Variants in GAS7 observed in about 807,000 individuals in gnomAD.
GAS7 encodes growth arrest-specific protein 7.
GAS7 carries 28 observed loss-of-function variants against 71.1 expected under a neutral mutation model. That is an observed-to-expected ratio of 0.39 (90% confidence interval 0.29 to 0.54). GAS7 has a LOEUF of 0.54. Among genes scored for constraint, GAS7 ranks in the 20% least tolerant of loss-of-function variants. The pLI, the probability that GAS7 is intolerant of heterozygous loss-of-function variation, is 0.62. For missense variants in GAS7, 436 were observed against 627.8 expected (o/e 0.69, Z 3.27); for synonymous variants, 258 against 245.8 (o/e 1.05, Z -0.46).
chr17:10,190,579 CA>C (rs763366804), intron 1 of GAS7, among the ~76,000 whole-genome samples: 2,657 of 103,256 alleles, frequency 0.026, 27 homozygotes, highest in Non-Finnish European at 0.039. Flanking sequence ...GACTCCGTCT[CA>C]AAAAAAAAAA....
At chr17:9,973,696 G>A (rs545972744) in intron 3 of GAS7, among the ~76,000 whole-genome samples, 2 of 152,076 alleles carry the variant, frequency 1.3e-5, no homozygotes, top group African/African-American at 2.4e-5. Flanking sequence ...TGACCTCCCC[G>A]CAAAAGGCAC....
intron 2 of GAS7, among the ~76,000 whole-genome samples, chr17:10,012,674 G>A (rs923643693): frequency 7.2e-5 from 11 of 152,108 alleles, no homozygotes; most frequent in South Asian, 6.2e-4. Context: ...GGTCCCTGTC[G>A]TGGTCTGAAT....
chr17:10,002,023 G>A (rs1202184129), intron 2 of GAS7, among the ~76,000 whole-genome samples: 1 of 152,164 alleles, frequency 6.6e-6, no homozygotes. Context: ...CATCCTAGCG[G>A]ACACGATACC....
intron 1 of GAS7, among the ~76,000 whole-genome samples, chr17:10,132,159 T>C (rs1016001261): frequency 1.3e-5 from 2 of 152,262 alleles, no homozygotes; most frequent in Non-Finnish European, 2.9e-5. Flanking sequence ...TGAATACATG[T>C]ACTCGTGAAC....
At chr17:10,031,780 G>A (rs891109835) in intron 1 of GAS7, among the ~76,000 whole-genome samples, 9 of 152,246 alleles carry the variant, frequency 5.9e-5, no homozygotes, top group East Asian at 1.9e-4. Flanking sequence ...CGTCCTTTTC[G>A]TTGGTGGCAT....
intron 1 of GAS7, among the ~76,000 whole-genome samples, chr17:10,180,166 C>T (rs970133914): frequency 6.6e-6 from 1 of 151,968 alleles, no homozygotes; most frequent in Non-Finnish European, 1.5e-5. Flanking sequence ...CGTGAGGAAA[C>T]CCCATCTCTA....
chr17:10,037,974 T>C (rs2152225789), intron 1 of GAS7, among the ~76,000 whole-genome samples: 1 of 152,106 alleles, frequency 6.6e-6, no homozygotes, highest in African/African-American at 2.4e-5. Context: ...CATTTAAAGA[T>C]GCTCAATATC....
At chr17:10,176,495 T>G (rs1422420544) in intron 1 of GAS7, among the ~76,000 whole-genome samples, 1 of 152,222 alleles carries the variant, frequency 6.6e-6, no homozygotes, top group African/African-American at 2.4e-5. Flanking sequence ...CTAGTCACCC[T>G]GAATGGGCAG....
In GAS7 at chr17:9,925,446, G is replaced by A. The variant is rs1180473767; in HGVS notation, c.1138+30C>T. On this transcript the variant is annotated intron_variant, in intron 11 of 13. Transcript: ENST00000432992. ...CGTGCCCTCTCCTTCTGTGTGCACT[G>A]ACCAGGCCAGGCGGGTGCCCAGCAC... The A allele has an allele frequency of 1.9e-6, 3 of 1,612,980 alleles. No individual in the cohort carries two copies. The South Asian group carries it at 3.3e-5, about 18-fold the overall frequency.
Position 10,064,609 on chromosome 17 carries a change from T to C in GAS7, c.184-44712A>G, listed in dbSNP as rs1304182089. ...GAATTACTGGGGAAAGATGTATTAC[T>C]ATGACAAGATGCAAGCCTGAAGCTG... On this transcript the variant is annotated intron_variant, in intron 1 of 13. Coordinates refer to ENST00000432992, the MANE Select transcript of GAS7 (RefSeq NM_201433.2). Among the ~76,000 whole-genome samples the C allele has an allele frequency of 2.6e-5, 4 of 152,332 alleles. No homozygotes were observed. The East Asian group carries it at 7.7e-4, about 29-fold the overall frequency.
At chr17:10,046,320 A>G (rs1236050092) in intron 1 of GAS7, among the ~76,000 whole-genome samples, 1 of 152,114 alleles carries the variant, frequency 6.6e-6, no homozygotes, top group East Asian at 1.9e-4. Flanking sequence ...TCAAACCAGC[A>G]ATAAGAGGAA....
chr17:10,004,196 G>C (rs2071379337), intron 2 of GAS7, among the ~76,000 whole-genome samples: 1 of 152,174 alleles, frequency 6.6e-6, no homozygotes, highest in South Asian at 2.1e-4. Flanking sequence ...TTGCAAACAA[G>C]AAGCCATTCG....
intron 1 of GAS7, among the ~76,000 whole-genome samples, chr17:10,088,114 G>A (rs7223263): frequency 0.35 from 53,367 of 151,364 alleles, 10,125 homozygotes; most frequent in African/African-American, 0.4. Flanking sequence ...CCAGCTACTC[G>A]GGAGGCTGAG....
chr17:9,933,829 A>C (rs1302140482), intron 9 of GAS7, among the ~76,000 whole-genome samples: 1 of 152,216 alleles, frequency 6.6e-6, no homozygotes, highest in Non-Finnish European at 1.5e-5. Flanking sequence ...TGGGCAACAC[A>C]GTGAGACCTT....
At chr17:10,165,795 G>A (rs893932148) in intron 1 of GAS7, among the ~76,000 whole-genome samples, 3 of 152,144 alleles carry the variant, frequency 2.0e-5, no homozygotes, top group Non-Finnish European at 4.4e-5. Flanking sequence ...AGGAAAGCCA[G>A]TGGCTCTCAG....
At chr17:10,197,282 C>T (rs1253108269) in intron 1 of GAS7, among the ~76,000 whole-genome samples, 5 of 152,164 alleles carry the variant, frequency 3.3e-5, no homozygotes, top group Non-Finnish European at 4.4e-5. Flanking sequence ...TGATTTCTTC[C>T]GGCAGTGTTT....
chr17:10,096,424 C>A (rs1328326273), intron 1 of GAS7, among the ~76,000 whole-genome samples: 2 of 152,158 alleles, frequency 1.3e-5, no homozygotes, highest in African/African-American at 4.8e-5. Flanking sequence ...TCTAATGGGC[C>A]CTACAGGCAA....
intron 11 of GAS7, among the ~76,000 whole-genome samples, chr17:9,923,480 G>C (rs914934777): frequency 6.6e-6 from 1 of 152,084 alleles, no homozygotes; most frequent in African/African-American, 2.4e-5. Flanking sequence ...GATAGATAAA[G>C]AATCTATGGT....
At chr17:10,128,770 C>T (rs2142084587) in intron 1 of GAS7, among the ~76,000 whole-genome samples, 1 of 152,050 alleles carries the variant, frequency 6.6e-6, no homozygotes, top group East Asian at 1.9e-4. Context: ...CAGGCGCCCA[C>T]CACCGCGCCC....
Sources: gnomAD v4.1 joint callset for allele counts (sites outside exome capture counted in the v4.1 genomes callset) on GRCh38, gnomAD v4.1.1 for gene constraint, MANE v1.5 for transcripts, NCBI Gene and HGNC (gene_info 2026-07-23, HGNC 2026-07-21) for gene names.